The following UNC13C variants were observed in gnomAD, a reference collection of about 807,000 sequenced individuals.
UNC13C encodes unc-13 homolog C, also known as protein unc-13 homolog C.
Under a neutral mutation model 245.4 loss-of-function variants are expected in UNC13C, and 174 were observed. The ratio of observed to expected loss-of-function variants is 0.71; its 90% CI spans 0.63 to 0.80. The LOEUF (loss-of-function observed/expected upper bound fraction) is 0.80, where lower values mean the gene tolerates loss of function less well. Ranked by LOEUF, UNC13C falls within the 30% of genes least tolerant of loss-of-function variation. UNC13C has a pLI of 0.00. For missense variants in UNC13C, 2,829 were observed against 2,602.9 expected, an observed-to-expected ratio of 1.09 and a Z score of -1.89; for synonymous variants, 992 against 895.1, an observed-to-expected ratio of 1.11 and a Z score of -1.93.
chr15:54,173,491 A>G (rs914227917), intron 4 of UNC13C, among the ~76,000 whole-genome samples: 3 of 152,060 alleles, frequency 2.0e-5, no homozygotes, highest in African/African-American at 4.8e-5. Context: ...GTTAAAATTT[A>G]TATCTTTAAA....
chr15:53,873,709 C>T, the UNC13C span, among the ~76,000 whole-genome samples: 1 of 1,518 alleles, frequency 6.6e-4, no homozygotes, highest in Non-Finnish European at 3.1e-3. Flanking sequence ...TCCCTCCTTC[C>T]ATGAGGCGGA....
chr15:53,861,328 C>G, the UNC13C span, among the ~76,000 whole-genome samples: 1 of 152,020 alleles, frequency 6.6e-6, no homozygotes, highest in African/African-American at 2.4e-5. Flanking sequence ...TGTGTTTATA[C>G]AAGGATATAA....
chr15:54,578,225 A>G lies in UNC13C; in HGVS notation c.6106+10278A>G, dbSNP rs1166302491. Among the ~76,000 whole-genome samples the G allele has an allele frequency of 2.0e-5, 3 of 152,180 alleles. No homozygotes were observed. In the East Asian group the frequency reaches 5.8e-4, roughly 29 times the overall value. On this transcript the variant is annotated intron_variant, in intron 30 of 32. Coordinates refer to ENST00000260323, the MANE Select transcript of UNC13C (RefSeq NM_001080534.3). ...GTTTATTGCATGTGATGCTGTGGGG[A>G]AATTATCACTTTTAATGTACTGGCA...
intron 4 of UNC13C, among the ~76,000 whole-genome samples, chr15:54,146,572 A>G (rs1327878218): frequency 6.6e-6 from 1 of 152,246 alleles, no homozygotes; most frequent in Non-Finnish European, 1.5e-5. Context: ...GGCTCTGGGG[A>G]AAAACTGGAA....
At chr15:54,469,856 G>A (rs563984314) in intron 19 of UNC13C, among the ~76,000 whole-genome samples, 1 of 151,542 alleles carries the variant, frequency 6.6e-6, no homozygotes, top group African/African-American at 2.4e-5. Flanking sequence ...AGAAGTCTTC[G>A]ACTTTTTGCC....
the UNC13C span, among the ~76,000 whole-genome samples, chr15:53,906,374 C>T: frequency 3.9e-5 from 6 of 152,202 alleles, no homozygotes; most frequent in African/African-American, 1.4e-4. Flanking sequence ...TGCACTAGGT[C>T]TGGCAATCCA....
intron 2 of UNC13C, among the ~76,000 whole-genome samples, chr15:54,098,704 G>A (rs6493663): frequency 0.24 from 35,778 of 152,048 alleles, 4,625 homozygotes; most frequent in African/African-American, 0.34. Flanking sequence ...TGATAAATGT[G>A]TACTGTTGAA....
rs74659476 is a variant in UNC13C, at chr15:54,155,059, T to A, written c.3071+11375T>A. 4.4e-3 allele frequency among the ~76,000 whole-genome samples: 674 copies of A among 152,354 alleles called. 41 individuals are homozygous for A. In the East Asian group the frequency reaches 0.088, roughly 20 times the overall value. ...TTCCAATCTTAATGTCCTATCCTTA[T>A]ATTCTATCATAATATAGTACCTGTA... is the stretch of plus-strand genomic sequence containing the variant. On this transcript the variant is annotated intron_variant, in intron 4 of 32. Coordinates refer to ENST00000260323, the MANE Select transcript of UNC13C (RefSeq NM_001080534.3).
At chr15:54,288,290 G>A (rs1248787527) in intron 10 of UNC13C, among the ~76,000 whole-genome samples, 1 of 152,146 alleles carries the variant, frequency 6.6e-6, no homozygotes, top group African/African-American at 2.4e-5. Flanking sequence ...CTACTAGTTT[G>A]AGTCTACATA....
At position 54,459,351 on chromosome 15, in the gene UNC13C, G is replaced by A. The variant is rs754781132; in HGVS notation, c.4934-35257G>A. On this transcript the variant is annotated intron_variant, in intron 19 of 32. Transcript: ENST00000260323. Reference sequence around the variant, plus strand: ...ATTCTTTCCTTCATCTTGACTTTAGGTAACCTAATAACTATGTCCCTAGGT... The same window carrying A: ...ATTCTTTCCTTCATCTTGACTTTAGATAACCTAATAACTATGTCCCTAGGT... Among the ~76,000 whole-genome samples the A allele has an allele frequency of 7.9e-5, 12 of 151,946 alleles. 1 individual carries two copies. The highest frequency in any genetic ancestry group is 1.3e-4 in the Admixed American group (2 of 15,248).
At chr15:54,499,620 C>G (rs1894108300) in intron 20 of UNC13C, among the ~76,000 whole-genome samples, 1 of 152,162 alleles carries the variant, frequency 6.6e-6, no homozygotes, top group South Asian at 2.1e-4. Flanking sequence ...AAAAAATATC[C>G]TACACAATTT....
upstream of UNC13C, among the ~76,000 whole-genome samples, chr15:53,973,798 T>C (rs760658918): frequency 1.3e-5 from 2 of 152,120 alleles, no homozygotes; most frequent in African/African-American, 4.8e-5. Flanking sequence ...GCATTCAACA[T>C]CAAATGATAT....
chr15:54,215,182 G>A (rs1053615168), intron 4 of UNC13C, among the ~76,000 whole-genome samples: 16 of 137,984 alleles, frequency 1.2e-4, no homozygotes, highest in Admixed American at 2.2e-4. Context: ...TAATTGAGTT[G>A]TTAAAAGTTA....
At chr15:54,141,964 T>C (rs2032043120) in intron 2 of UNC13C, among the ~76,000 whole-genome samples, 1 of 152,176 alleles carries the variant, frequency 6.6e-6, no homozygotes, top group African/African-American at 2.4e-5. Context: ...GGACAAATTT[T>C]AATCTTTCCA....
chr15:54,073,944 G>C (rs914589451), intron 2 of UNC13C, among the ~76,000 whole-genome samples: 1 of 151,948 alleles, frequency 6.6e-6, no homozygotes, highest in Non-Finnish European at 1.5e-5. Flanking sequence ...TAGTCATGAA[G>C]TCTTTGCCCA....
At chr15:54,617,922 G>T (rs1352037001) in intron 30 of UNC13C, among the ~76,000 whole-genome samples, 1 of 152,034 alleles carries the variant, frequency 6.6e-6, no homozygotes, top group Non-Finnish European at 1.5e-5. Context: ...GTTTTGTGGG[G>T]CCCAGCAAAG....
At chr15:54,468,547 CCT>C (rs1456705127) in intron 19 of UNC13C, among the ~76,000 whole-genome samples, 2 of 151,536 alleles carry the variant, frequency 1.3e-5, no homozygotes, top group African/African-American at 4.8e-5. Flanking sequence ...AAGATTTTCC[CCT>C]GTGTTTCCTT....
intron 2 of UNC13C, among the ~76,000 whole-genome samples, chr15:54,118,066 G>T (rs1253905650): frequency 6.6e-6 from 1 of 151,762 alleles, no homozygotes; most frequent in Non-Finnish European, 1.5e-5. Flanking sequence ...AGTATATTTT[G>T]AAGTTCAGAT....
chr15:54,023,038 T>A (rs545840674), intron 2 of UNC13C, among the ~76,000 whole-genome samples: 15 of 152,206 alleles, frequency 9.9e-5, no homozygotes. Flanking sequence ...TTAAGTGTAT[T>A]CTGGTGTGAG....
Sources: allele counts gnomAD v4.1 joint callset (sites outside exome capture counted in the v4.1 genomes callset), GRCh38; gene constraint gnomAD v4.1.1; transcripts MANE v1.5; gene names NCBI Gene and HGNC (gene_info 2026-07-23, HGNC 2026-07-21).